The following C11orf21 variants were observed in gnomAD, a reference collection of about 807,000 sequenced individuals.
The protein encoded by C11orf21 is chromosome 11 open reading frame 21.
Under a neutral mutation model 15.2 loss-of-function variants are expected in C11orf21, and 19 were observed. That is an observed-to-expected ratio of 1.25 (90% CI 0.87 to 1.84). The LOEUF (loss-of-function observed/expected upper bound fraction) is 1.84. C11orf21 is among the 40% of genes most tolerant of loss of function. The probability of loss-of-function intolerance (pLI) is 0.00; values close to 1 mark genes in which losing one functional copy is unlikely to be tolerated. For synonymous variants in C11orf21, 62 were observed against 66.8 expected (o/e 0.93, Z 0.35); for missense variants, 171 against 174.4 (o/e 0.98, Z 0.11).
upstream of C11orf21, chr11:2,303,084 A>C: frequency 1.3e-6 from 1 of 784,528 alleles, no homozygotes; most frequent in Non-Finnish European, 2.0e-6. Context: ...AGAGGTGGTC[A>C]GGGGCAGGGA....
chr11:2,299,823 TC>T, intron 2 of C11orf21, 116 bp from the exon 3 acceptor site: 1 of 603,188 alleles, frequency 1.7e-6, no homozygotes, highest in Non-Finnish European at 2.6e-6. Context: ...TGCACACACA[TC>T]CACGTCTGCA....
At chr11:2,301,518 C>A in intron 1 of C11orf21, 1 of 455,322 alleles carries the variant, frequency 2.2e-6, no homozygotes, top group Non-Finnish European at 3.9e-6. Flanking sequence ...GAGCGAGGCC[C>A]CAGCCCACCC....
upstream of C11orf21, chr11:2,302,920 C>A: frequency 6.2e-7 from 1 of 1,613,734 alleles, no homozygotes; most frequent in Non-Finnish European, 8.5e-7. Context: ...CGCCGAGCGT[C>A]CCTGGAGAAG....
At chr11:2,300,724 C>T in intron 1 of C11orf21, 111 bp from the exon 2 acceptor site, 1 of 1,550,990 alleles carries the variant, frequency 6.4e-7, no homozygotes, top group South Asian at 1.2e-5. Flanking sequence ...TGCTCCAGGC[C>T]CGCCTCACCA....
chr11:2,299,693 T>A lies in C11orf21; in HGVS notation c.162A>T (p.Ser54=). Residue 54 remains serine, a synonymous_variant, in exon 3 of 4, where the codon TCA becomes TCT. Coordinates refer to ENST00000381153, the MANE Select transcript of C11orf21 (RefSeq NM_001329958.2). The part of the protein sequence containing the change: ...WPSRDQEAPG[S]MMPPAAAQPS... The stretch of plus-strand genomic sequence containing the variant: ...GTTGGGCAGCTGCAGGTGGCATCAT[T>A]GAGCCAGGGGCCTCCTGGTGGGTAA... 6.4e-7 allele frequency: 1 copy of A among 1,550,948 alleles called. No homozygotes were observed. The highest frequency in any genetic ancestry group is 8.7e-7 in the Non-Finnish European group (1 of 1,146,884).
At chr11:2,302,284 C>T (rs1040465685), upstream of C11orf21, 2 of 1,329,054 alleles carry the variant, frequency 1.5e-6, no homozygotes, top group African/African-American at 1.5e-5. Context: ...GGCAGGGCCT[C>T]AGCACAGGGA....
chr11:2,299,838 G>A (rs1358456452), intron 2 of C11orf21, 131 bp from the exon 3 acceptor site: 5 of 476,558 alleles, frequency 1.0e-5, no homozygotes, highest in African/African-American at 3.7e-5. Context: ...GTCTGCACAC[G>A]CATCCACGCC....
Position 2,301,746 on chromosome 11 carries a change from G to A in C11orf21, c.53+10C>T. 1.9e-6 allele frequency: 3 copies of A among 1,545,824 alleles called. No individual in the cohort carries two copies. Among genetic ancestry groups the A allele is most frequent in the East Asian group, 2.4e-5 (1 of 40,900 alleles). On this transcript the variant is annotated intron_variant, in intron 1 of 3. Coordinates refer to ENST00000381153, the MANE Select transcript of C11orf21 (RefSeq NM_001329958.2). ...TCCACACTTGCTCACTCCCAGGACG[G>A]GGAGCTCACCTCCTCCTCCCCGGGC...
chr11:2,300,638 G>A (rs1404869378), intron 1 of C11orf21, 25 bp from the exon 2 acceptor site: 1 of 1,550,706 alleles, frequency 6.4e-7, no homozygotes, highest in Admixed American at 2.0e-5. Flanking sequence ...AGGCCATCAG[G>A]ACAGGTCAAG....
At chr11:2,300,680 A>G in intron 1 of C11orf21, 67 bp from the exon 2 acceptor site, 5 of 1,550,040 alleles carry the variant, frequency 3.2e-6, no homozygotes, top group Non-Finnish European at 4.4e-6. Flanking sequence ...GAAATTCTTC[A>G]GACCTGATGA....
At position 2,297,457 on chromosome 11, in the gene C11orf21, A is replaced by T. The variant is rs1269473192; in HGVS notation, c.*493T>A. 1 of 152,200 alleles carries T rather than the reference A, an allele frequency of 6.6e-6. No individual in the cohort carries two copies. The highest frequency in any genetic ancestry group is 6.5e-5 in the Admixed American group (1 of 15,286). The allele number at this position is 152,200 out of a possible 1,614,324, so 9.4% of individuals were successfully genotyped here. A position where few individuals can be genotyped will look rare whatever the true frequency, so the allele number is the denominator to read the frequency against. On this transcript the variant is annotated 3_prime_UTR_variant, in exon 4 of 4. Coordinates refer to ENST00000381153, the MANE Select transcript of C11orf21 (RefSeq NM_001329958.2). ...ACCACCCATCTCCCTTCTTTGTCTC[A>T]CTGCCTTGAAACACCCCACATCTAT...
Position 2,301,597 on chromosome 11 carries a change from G to C in C11orf21, c.53+159C>G. On this transcript the variant is annotated intron_variant, in intron 1 of 3. Transcript: ENST00000381153. ...CGCCCACGAAGGCATTAAAACCAAC[G>C]ACCTTCTCAAAACTTAAGCTGTCAC... The C allele has an allele frequency of 1.6e-6, 1 of 632,044 alleles. No individual in the cohort carries two copies. Among genetic ancestry groups the C allele is most frequent in the Non-Finnish European group, 2.6e-6 (1 of 386,052 alleles). The allele number at this position is 632,044 out of a possible 1,614,324, so 39.2% of individuals were successfully genotyped here.
intron 3 of C11orf21, among the ~76,000 whole-genome samples, chr11:2,298,851 G>A (rs1362226680): frequency 1.3e-5 from 2 of 152,014 alleles, no homozygotes; most frequent in African/African-American, 4.8e-5. Context: ...GCCATCCCTG[G>A]GTCCCCTCTG....
At chr11:2,298,720 G>A (rs1847592510) in intron 3 of C11orf21, among the ~76,000 whole-genome samples, 1 of 152,190 alleles carries the variant, frequency 6.6e-6, no homozygotes, top group Admixed American at 6.5e-5. Context: ...ACATACTAGT[G>A]GGTGGCACAG....
upstream of C11orf21, among the ~76,000 whole-genome samples, chr11:2,302,471 G>A (rs575695701): frequency 7.0e-4 from 106 of 152,276 alleles, no homozygotes; most frequent in African/African-American, 2.5e-3. Flanking sequence ...GAGGCCTGGG[G>A]CGAGCTGGGG....
At chr11:2,301,930 G>C, upstream of C11orf21, 1 of 1,523,100 alleles carries the variant, frequency 6.6e-7, no homozygotes. Flanking sequence ...GGGGCACCAG[G>C]GTGAGGTGGT....
At chr11:2,297,986 C>T (rs902853931) in intron 3 of C11orf21, 65 bp from the exon 4 acceptor site, 1 of 152,186 alleles carries the variant, frequency 6.6e-6, no homozygotes, top group South Asian at 2.1e-4. Context: ...GGTATAAGGG[C>T]ACTAATCCTA....
upstream of C11orf21, chr11:2,302,751 G>T (rs2133281896): frequency 1.0e-6 from 1 of 996,218 alleles, no homozygotes; most frequent in East Asian, 2.6e-5. Flanking sequence ...GGACCGGGAA[G>T]CTGGAGAGAG....
intron 3 of C11orf21, among the ~76,000 whole-genome samples, chr11:2,298,942 G>A (rs939069070): frequency 3.3e-5 from 5 of 152,292 alleles, no homozygotes; most frequent in South Asian, 4.1e-4. Flanking sequence ...GGCCAGCGGA[G>A]GCAGCAGCCC....
Sources: allele counts gnomAD v4.1 joint callset (sites outside exome capture counted in the v4.1 genomes callset), GRCh38; gene constraint gnomAD v4.1.1; transcripts MANE v1.5; gene names NCBI Gene and HGNC (gene_info 2026-07-23, HGNC 2026-07-21).